TCP10L: variants seen among roughly 807,000 people sequenced by gnomAD.
The protein encoded by TCP10L is t-complex 10 like.
A neutral mutation model predicts 19.2 loss-of-function variants in TCP10L; 11 were observed. The observed-to-expected ratio is 0.57, with a 90% CI of 0.36 to 0.95. TCP10L has a LOEUF of 0.95. TCP10L is among the 40% of genes least tolerant of loss of function. The pLI is 0.01. For synonymous variants in TCP10L, 96 were observed against 97.2 expected (o/e 0.99, Z 0.07); for missense variants, 247 against 263.9 (o/e 0.94, Z 0.44).
At chr21:32,584,106 G>A in intron 2 of TCP10L, 55 bp downstream of exon 2, 4 of 1,554,800 alleles carry the variant, frequency 2.6e-6, no homozygotes, top group Non-Finnish European at 3.5e-6. Context: ...CTCAGGGACA[G>A]GAATCAGGGT....
rs760928187 is a variant in TCP10L at position 32,575,536 on chromosome 21, C to T, written c.*1238G>A. ...AGTCCAGGTGCCAGGCAGCCCAGGG[C>T]GAGTGGTGCCCACAGGCTTGGGCTG... On this transcript the variant is annotated 3_prime_UTR_variant, in exon 5 of 5. Coordinates refer to ENST00000300258, the MANE Select transcript of TCP10L (RefSeq NM_144659.7). 1 of 152,840 alleles carries T rather than the reference C, an allele frequency of 6.5e-6. No individual in the cohort carries two copies. Among genetic ancestry groups the T allele is most frequent in the Non-Finnish European group, 1.5e-5 (1 of 68,242 alleles). 9.5% of individuals were successfully genotyped at this position (152,840 alleles called of 1,614,324 possible).
intron 1 of TCP10L, among the ~76,000 whole-genome samples, 178 bp from the exon 2 acceptor site, chr21:32,584,483 G>A (rs2038536247): frequency 6.6e-6 from 1 of 152,174 alleles, no homozygotes; most frequent in Non-Finnish European, 1.5e-5. Context: ...GGACACCACA[G>A]ACAGAGGGAC....
intron 3 of TCP10L, among the ~76,000 whole-genome samples, chr21:32,581,954 C>T (rs2038499126): frequency 6.6e-6 from 1 of 152,126 alleles, no homozygotes; most frequent in Non-Finnish European, 1.5e-5. Context: ...GAATTCTGGA[C>T]TTGAGACACA....
intron 3 of TCP10L, among the ~76,000 whole-genome samples, chr21:32,580,971 C>T (rs1221575830): frequency 2.0e-5 from 3 of 152,204 alleles, no homozygotes; most frequent in African/African-American, 7.2e-5. Context: ...GGCTAGGGCT[C>T]GACCCCTGGG....
chr21:32,584,057 T>G, intron 2 of TCP10L, 104 bp downstream of exon 2: 1 of 1,461,272 alleles, frequency 6.8e-7, no homozygotes, highest in Non-Finnish European at 9.2e-7. Context: ...GGTGGTGCAT[T>G]CCTACAGGGG....
intron 3 of TCP10L, among the ~76,000 whole-genome samples, chr21:32,581,083 C>T (rs192073475): frequency 3.1e-3 from 468 of 152,322 alleles, no homozygotes; most frequent in African/African-American, 0.011. Flanking sequence ...CTATAAAAAC[C>T]CCAAGACCCT....
At chr21:32,581,845 C>T (rs550207942) in intron 3 of TCP10L, among the ~76,000 whole-genome samples, 24 of 152,174 alleles carry the variant, frequency 1.6e-4, no homozygotes, top group African/African-American at 5.8e-4. Context: ...TTCATAGGGT[C>T]GTCATAGAGA....
chr21:32,575,244 C>A lies in TCP10L; in HGVS notation c.*1530G>T, dbSNP rs937881422. 7.8e-5 allele frequency: 12 copies of A among 153,448 alleles called. No individual in the cohort carries two copies. Among genetic ancestry groups the A allele is most frequent in the Non-Finnish European group, 1.5e-4 (10 of 68,942 alleles). 9.5% of individuals were successfully genotyped at this position (153,448 alleles called of 1,614,324 possible). ...CGGGGGCCTGAAGGGGAGGGGACAG[C>A]AGGAACAAGGTAGCCAGGCTGGAGC... On this transcript the variant is annotated 3_prime_UTR_variant, in exon 5 of 5. Transcript: ENST00000300258.
chr21:32,576,634 T>G lies in TCP10L; in HGVS notation c.*140A>C. The G allele has an allele frequency of 1.1e-6, 1 of 890,656 alleles. No individual in the cohort carries two copies. Among genetic ancestry groups the G allele is most frequent in the South Asian group, 1.9e-5 (1 of 53,070 alleles). 55.2% of individuals were successfully genotyped at this position (890,656 alleles called of 1,614,324 possible). A position where few individuals can be genotyped will look rare whatever the true frequency, so the allele number is the denominator to read the frequency against. On this transcript the variant is annotated 3_prime_UTR_variant, in exon 5 of 5. Coordinates refer to ENST00000300258, the MANE Select transcript of TCP10L (RefSeq NM_144659.7). ...CAAGTTTTTATCTATAGAAACATAA[T>G]TAGTTTAATAAATTACTAGGTCTAT...
rs2038453591 is a variant in TCP10L, at chr21:32,578,020, G to A, written c.498+674C>T. 1.3e-5 allele frequency among the ~76,000 whole-genome samples: 2 copies of A among 152,246 alleles called. No homozygotes were observed. The highest frequency in any genetic ancestry group is 6.5e-5 in the Admixed American group (1 of 15,288). The stretch of plus-strand genomic sequence containing the variant: ...TAAGGCACAGATCGCTCATGCTACT[G>A]TTTGTGGTTTAAGAACGCCTTTAAG... On this transcript the variant is annotated intron_variant, in intron 4 of 4. Transcript: ENST00000300258. This position sits in a 1 kb window ranked among gnomAD's most constrained non-coding sequence, Gnocchi z 4.2.
At chr21:32,584,364 T>C in intron 1 of TCP10L, 59 bp from the exon 2 acceptor site, 3 of 1,562,752 alleles carry the variant, frequency 1.9e-6, no homozygotes, top group Non-Finnish European at 2.6e-6. Context: ...ACCCCGTCAG[T>C]GTGGGCTGAA....
intron 3 of TCP10L, among the ~76,000 whole-genome samples, chr21:32,581,169 G>T (rs569234296): frequency 6.6e-6 from 1 of 152,350 alleles, no homozygotes; most frequent in East Asian, 1.9e-4. Flanking sequence ...CACAGCAGAC[G>T]CCAGCAGGCC....
rs1177070290 is a variant in TCP10L, at chr21:32,578,616, G to A, written c.498+78C>T. The stretch of plus-strand genomic sequence containing the variant: ...TCACCCAGGGAGGTGAAATTGTGTG[G>A]TGAGGAGCTGATGGGATGTGTGTGT... On this transcript the variant is annotated intron_variant, in intron 4 of 4. Coordinates refer to ENST00000300258, the MANE Select transcript of TCP10L (RefSeq NM_144659.7). The surrounding 1 kb of genome is among the most constrained non-coding windows in gnomAD (Gnocchi z 4.2). The A allele has an allele frequency of 1.3e-6, 2 of 1,549,928 alleles. No homozygotes were observed. Among genetic ancestry groups the A allele is most frequent in the East Asian group, 4.5e-5 (2 of 44,448 alleles).
At chr21:32,584,129 GACTA>G (rs1399541562) in intron 2 of TCP10L, 28 bp downstream of exon 2, 4 of 1,595,724 alleles carry the variant, frequency 2.5e-6, no homozygotes, top group Non-Finnish European at 2.6e-6. Flanking sequence ...CGCCTGGTGG[GACTA>G]ACTCTGTCCC....
In TCP10L at chr21:32,582,205, T is replaced by C; in HGVS notation, c.355A>G (p.Thr119Ala). Residue 119 changes from threonine to alanine, a missense_variant, in exon 3 of 5, where the codon ACT (threonine) becomes GCT (alanine). By Grantham distance (58) the Thr-to-Ala change is moderately conservative. Transcript: ENST00000300258. The surrounding 1 kb of genome is among the most constrained non-coding windows in gnomAD (Gnocchi z 4.2). ...CATAAATGCGCTTTTGGTACCAGAG[T>C]GTGCGATTCTTGCCCCGCGTGTGGG... ...ASPHAGQESH[T>A]LALEPAFGKI... The C allele has an allele frequency of 6.2e-7, 1 of 1,613,898 alleles. No individual in the cohort carries two copies. Among genetic ancestry groups the C allele is most frequent in the Non-Finnish European group, 8.5e-7 (1 of 1,179,942 alleles).
intron 1 of TCP10L, 96 bp from the exon 2 acceptor site, chr21:32,584,401 C>T (rs949828995): frequency 1.2e-5 from 17 of 1,468,992 alleles, no homozygotes; most frequent in Middle Eastern, 2.0e-4. Context: ...TAAGGGTGAG[C>T]AGGACCCGCA....
rs960949936 is a variant in TCP10L, at chr21:32,576,894, G to A, written c.528C>T (p.Ser176=). 6.2e-7 allele frequency: 1 copy of A among 1,613,932 alleles called. No homozygotes were observed. The highest frequency in any genetic ancestry group is 1.7e-4 in the Middle Eastern group (1 of 6,058). The change falls in exon 5 of 5, where the codon AGC becomes AGT. Residue 176 remains serine (S), a synonymous_variant. Transcript: ENST00000300258. ...KPMSLKIERI[S]SWKTPPQENR... is the part of the protein sequence containing the mutation. ...TTTCCTGTGGTGGTGTTTTCCACGAGCTAATTCTTTCTATCTTTAAACTCA... is the reference window on the plus strand; with the variant it reads ...TTTCCTGTGGTGGTGTTTTCCACGAACTAATTCTTTCTATCTTTAAACTCA...
At position 32,584,287 on chromosome 21, in the gene TCP10L, G is replaced by A. The variant is rs747326826; in HGVS notation, c.18C>T (p.Leu6=). The change falls in exon 2 of 5, where the codon CTC becomes CTT. Residue 6 remains leucine (L), a synonymous_variant. Transcript: ENST00000300258. MLAGQ[L]EARDPKEGTH... ...TGCCCTCTTTGGGGTCCCTGGCCTC[G>A]AGTTGACCTGCCAGCATCCTGGTTG... 6 of 1,613,716 alleles carry A rather than the reference G, an allele frequency of 3.7e-6. No homozygotes were observed. Among genetic ancestry groups the A allele is most frequent in the Non-Finnish European group, 2.5e-6 (3 of 1,179,822 alleles).
intron 3 of TCP10L, among the ~76,000 whole-genome samples, chr21:32,579,455 A>C (rs1244984888): frequency 6.6e-6 from 1 of 152,188 alleles, no homozygotes; most frequent in Non-Finnish European, 1.5e-5. Context: ...CTCGAGTCTC[A>C]GCCTTTTAGA....
Sources: allele counts gnomAD v4.1 joint callset (sites outside exome capture counted in the v4.1 genomes callset), GRCh38; gene constraint gnomAD v4.1.1; non-coding constraint Gnocchi (gnomAD v3.1); transcripts MANE v1.5; gene names NCBI Gene and HGNC (gene_info 2026-07-23, HGNC 2026-07-21).